The following HSP90AA1 variants were observed in gnomAD, a reference collection of about 807,000 sequenced individuals.
HSP90AA1 encodes heat shock protein HSP 90-alpha.
Under a neutral mutation model 73.3 loss-of-function variants are expected in HSP90AA1, and 18 were observed. That is an observed-to-expected ratio of 0.25 (90% CI 0.17 to 0.36). The LOEUF is 0.36. HSP90AA1 is among the 10% of genes least tolerant of loss of function. The pLI is 1.00. For synonymous variants in HSP90AA1, 477 were observed against 296.9 expected (o/e 1.61, Z -6.24); for missense variants, 704 against 874.2 (o/e 0.81, Z 2.45).
chr14:102,105,399 G>T (rs117856416), intron 1 of HSP90AA1, among the ~76,000 whole-genome samples: 2 of 152,182 alleles, frequency 1.3e-5, no homozygotes, highest in Non-Finnish European at 2.9e-5. Context: ...AGGGAGTTAT[G>T]GGGGCACAGT....
intron 2 of HSP90AA1, among the ~76,000 whole-genome samples, chr14:102,101,085 C>A (rs1345938006): frequency 6.6e-6 from 1 of 152,182 alleles, no homozygotes; most frequent in Non-Finnish European, 1.5e-5. Context: ...AGGTCAGTCA[C>A]CAACTGTCCA....
chr14:102,082,968 T>C (rs753573722), intron 9 of HSP90AA1, 66 bp downstream of exon 9: 41 of 1,466,394 alleles, frequency 2.8e-5, no homozygotes, highest in Non-Finnish European at 3.9e-5. Flanking sequence ...GAAAATGGGC[T>C]ATGTATGACT....
rs35769966 is a variant in HSP90AA1, at chr14:102,105,034, TAAAAAAAAAAA to T, written c.156-2960_156-2950del. ...TAACATGGTGAAACCTCATCTCTAC[TAAAAAAAAAAA>T]AAAAAAAAAAAATTCAGCCGTGTGT... is the stretch of plus-strand genomic sequence containing the variant. On this transcript the variant is annotated intron_variant, in intron 1 of 11. Coordinates refer to the HSP90AA1 transcript ENST00000334701. 5.1e-5 allele frequency among the ~76,000 whole-genome samples: 5 copies of T among 97,490 alleles called. No individual in the cohort carries two copies. The East Asian group carries it at 9.0e-4, about 18-fold the overall frequency. The allele number at this position is 97,490 out of a possible 152,430, so 64.0% of individuals were successfully genotyped here.
Position 102,081,672 on chromosome 14 carries a change from T to G in HSP90AA1, c.*40A>C, listed in dbSNP as rs1416319789. Reference sequence around the variant, plus strand: ...CTTGAAAATATATTATCAGAGGAATTGTAGAGTACTGAACAGGTAAGTCAT... The same window carrying G: ...CTTGAAAATATATTATCAGAGGAATGGTAGAGTACTGAACAGGTAAGTCAT... On this transcript the variant is annotated 3_prime_UTR_variant, in exon 11 of 11. Coordinates refer to ENST00000216281, the MANE Select transcript of HSP90AA1 (RefSeq NM_005348.4). 1 of 848,638 alleles carries G rather than the reference T, an allele frequency of 1.2e-6. No individual in the cohort carries two copies. 52.6% of individuals were successfully genotyped at this position (848,638 alleles called of 1,614,324 possible). A position where few individuals can be genotyped will look rare whatever the true frequency, so the allele number is the denominator to read the frequency against.
upstream of HSP90AA1, among the ~76,000 whole-genome samples, chr14:102,088,797 C>T (rs2049309032): frequency 6.6e-6 from 1 of 152,212 alleles, no homozygotes; most frequent in East Asian, 1.9e-4. Flanking sequence ...TGTCCCCGCT[C>T]TCCTCACTTG....
At chr14:102,118,424 T>A (rs1169563751) in intron 1 of HSP90AA1, among the ~76,000 whole-genome samples, 4 of 152,116 alleles carry the variant, frequency 2.6e-5, no homozygotes, top group East Asian at 1.9e-4. Flanking sequence ...TTTTTTTTTT[T>A]AATTGAGATG....
chr14:102,102,473 T>C (rs1348885516), intron 1 of HSP90AA1, among the ~76,000 whole-genome samples: 1 of 152,234 alleles, frequency 6.6e-6, no homozygotes, highest in Non-Finnish European at 1.5e-5. Flanking sequence ...AGAGCTGCAC[T>C]GAAGGGTCTG....
chr14:102,122,207 T>C (rs1396892516), intron 1 of HSP90AA1, among the ~76,000 whole-genome samples: 2 of 152,134 alleles, frequency 1.3e-5, no homozygotes, highest in Admixed American at 1.3e-4. Flanking sequence ...TCCTGCCATC[T>C]CTATCATATG....
Position 102,084,454 on chromosome 14 carries a change from A to G in HSP90AA1, c.1092T>C (p.Tyr364=), listed in dbSNP as rs2049174433. Residue 364 remains tyrosine (Y), a synonymous_variant, in exon 6 of 11, where the codon TAT becomes TAC. Transcript: ENST00000216281. ...TATCCATGATGAAAACTCTGCGTAC[A>G]TACAATTTGATGTTGTTCTTTTTCT... The part of the protein sequence containing the change: ...NRKKKNNIKL[Y]VRRVFIMDNC... The G allele has an allele frequency of 6.2e-7, 1 of 1,613,528 alleles. No homozygotes were observed. The highest frequency in any genetic ancestry group is 2.2e-5 in the East Asian group (1 of 44,886).
intron 1 of HSP90AA1, among the ~76,000 whole-genome samples, chr14:102,107,798 T>C (rs1005864597): frequency 4.6e-5 from 7 of 152,036 alleles, no homozygotes; most frequent in Admixed American, 4.6e-4. Flanking sequence ...ACCAATCCTG[T>C]TCCTGAGCAC....
intron 1 of HSP90AA1, among the ~76,000 whole-genome samples, chr14:102,114,740 CTG>C (rs983154833): frequency 1.3e-5 from 2 of 152,158 alleles, no homozygotes; most frequent in Non-Finnish European, 2.9e-5. Flanking sequence ...CGGTTGCTGA[CTG>C]TAATCCCGGC....
rs1195275820 is a variant in HSP90AA1 at position 102,105,078 on chromosome 14, C to T, written c.156-2993G>A. ...AAAAATTCAGCCGTGTGTGATGGCA[C>T]GCCCCTGTAGTCCCAGCTACTCAGG... On this transcript the variant is annotated intron_variant, in intron 1 of 11. Transcript: ENST00000334701. Among the ~76,000 whole-genome samples the T allele has an allele frequency of 6.0e-5, 9 of 150,196 alleles. No individual in the cohort carries two copies. The East Asian group carries it at 1.7e-3, about 29-fold the overall frequency.
In HSP90AA1 at chr14:102,081,644, A is replaced by T. The variant is rs1008106440; in HGVS notation, c.*68T>A. ...AATATTAACAAAAATAAAGAAAAAC[A>T]TCCTTGAAAATATATTATCAGAGGA... On this transcript the variant is annotated 3_prime_UTR_variant, in exon 11 of 11. Coordinates refer to ENST00000216281, the MANE Select transcript of HSP90AA1 (RefSeq NM_005348.4). 1.2e-6 allele frequency: 1 copy of T among 809,986 alleles called. No individual in the cohort carries two copies. Among genetic ancestry groups the T allele is most frequent in the Non-Finnish European group, 2.2e-6 (1 of 446,944 alleles). 50.2% of individuals were successfully genotyped at this position (809,986 alleles called of 1,614,324 possible).
At chr14:102,117,791 A>G (rs1239295639) in intron 1 of HSP90AA1, among the ~76,000 whole-genome samples, 1 of 152,156 alleles carries the variant, frequency 6.6e-6, no homozygotes, top group Admixed American at 6.5e-5. Context: ...AGAGAAGGAG[A>G]GAAGAGCTGT....
intron 1 of HSP90AA1, chr14:102,102,125 AC>A: frequency 6.4e-7 from 1 of 1,559,032 alleles, no homozygotes; most frequent in Non-Finnish European, 8.8e-7. Flanking sequence ...TCCAAACCAA[AC>A]ATAACAGAGA....
intron 1 of HSP90AA1, among the ~76,000 whole-genome samples, chr14:102,116,644 G>T (rs2049710716): frequency 6.6e-6 from 1 of 152,204 alleles, no homozygotes; most frequent in African/African-American, 2.4e-5. Flanking sequence ...CTGCGGAGAG[G>T]GCATGGGGAG....
chr14:102,121,508 A>G (rs2049778373), intron 1 of HSP90AA1, among the ~76,000 whole-genome samples: 1 of 152,234 alleles, frequency 6.6e-6, no homozygotes, highest in Non-Finnish European at 1.5e-5. Context: ...AAATAACAGC[A>G]ACTTGCATTC....
At chr14:102,122,671 T>A (rs1009812296) in intron 1 of HSP90AA1, among the ~76,000 whole-genome samples, 1 of 151,694 alleles carries the variant, frequency 6.6e-6, no homozygotes, top group Non-Finnish European at 1.5e-5. Flanking sequence ...TTTTTATTTT[T>A]TATATATATT....
intron 1 of HSP90AA1, among the ~76,000 whole-genome samples, chr14:102,118,370 C>T (rs2049733039): frequency 6.6e-6 from 1 of 151,940 alleles, no homozygotes; most frequent in African/African-American, 2.4e-5. Flanking sequence ...AATGTCCATA[C>T]TCTGAGATTA....
Sources: allele counts gnomAD v4.1 joint callset (sites outside exome capture counted in the v4.1 genomes callset), GRCh38; gene constraint gnomAD v4.1.1; transcripts MANE v1.5; gene names NCBI Gene and HGNC (gene_info 2026-07-23, HGNC 2026-07-21).